Variants in LMNTD1 observed in about 807,000 individuals in gnomAD.
LMNTD1 encodes the protein lamin tail domain-containing protein 1.
A neutral mutation model predicts 50.9 loss-of-function variants in LMNTD1; 35 were observed. The ratio of observed to expected loss-of-function variants is 0.69; its 90% CI spans 0.53 to 0.91. The LOEUF (loss-of-function observed/expected upper bound fraction) is 0.91. Among genes scored for constraint, LMNTD1 ranks in the 40% least tolerant of loss-of-function variants. The probability of loss-of-function intolerance (pLI) is 0.00; values close to 1 mark genes in which losing one functional copy is unlikely to be tolerated. For synonymous variants in LMNTD1, 153 were observed against 161.9 expected (o/e 0.94, Z 0.42); for missense variants, 470 against 475.5 (o/e 0.99, Z 0.11).
At chr12:25,641,163 T>C (rs538981617) in intron 1 of LMNTD1, among the ~76,000 whole-genome samples, 4 of 152,322 alleles carry the variant, frequency 2.6e-5, no homozygotes, top group Non-Finnish European at 5.9e-5. Flanking sequence ...TGGATGACTA[T>C]AGAATAGATC....
intron 4 of LMNTD1, among the ~76,000 whole-genome samples, chr12:25,527,675 TATATATACAC>T (rs1210088022): frequency 3.2e-3 from 71 of 21,980 alleles, no homozygotes; most frequent in Admixed American, 9.0e-3. Context: ...TATATATATA[TATATATACAC>T]ACACACACAC....
intron 1 of LMNTD1, among the ~76,000 whole-genome samples, chr12:25,647,238 G>C (rs975645575): frequency 6.6e-6 from 1 of 152,186 alleles, no homozygotes; most frequent in East Asian, 1.9e-4. Context: ...GCTCATGCCT[G>C]TAATCCCACC....
intron 4 of LMNTD1, among the ~76,000 whole-genome samples, chr12:25,543,227 T>C (rs922765101): frequency 6.6e-6 from 1 of 152,026 alleles, no homozygotes; most frequent in Non-Finnish European, 1.5e-5. Flanking sequence ...CAATCTCTTC[T>C]AGAAAAGGAT....
intron 9 of LMNTD1, among the ~76,000 whole-genome samples, chr12:25,494,265 T>C (rs1025974109): frequency 6.6e-6 from 1 of 152,216 alleles, no homozygotes; most frequent in Non-Finnish European, 1.5e-5. Flanking sequence ...AGGTAAAATT[T>C]GGTCACTTCG....
chr12:25,540,003 C>T (rs1395041719), intron 4 of LMNTD1, among the ~76,000 whole-genome samples: 1,976 of 145,790 alleles, frequency 0.014, 32 homozygotes, highest in African/African-American at 0.048. Flanking sequence ...TTGACACATA[C>T]ACTCTCCCAA....
intron 1 of LMNTD1, among the ~76,000 whole-genome samples, chr12:25,611,643 G>A (rs1946246186): frequency 6.6e-6 from 1 of 152,156 alleles, no homozygotes; most frequent in South Asian, 2.1e-4. Context: ...AAATATGATT[G>A]AGAAGTAAAG....
intron 1 of LMNTD1, among the ~76,000 whole-genome samples, chr12:25,583,066 T>G (rs543708227): frequency 6.6e-6 from 1 of 151,012 alleles, no homozygotes; most frequent in Non-Finnish European, 1.5e-5. Flanking sequence ...CAGGCTGGAG[T>G]GCAGTGGTGC....
chr12:25,546,389 C>A lies in LMNTD1; in HGVS notation c.476G>T (p.Gly159Val). 6.3e-7 allele frequency: 1 copy of A among 1,580,460 alleles called. No individual in the cohort carries two copies. The highest frequency in any genetic ancestry group is 8.6e-7 in the Non-Finnish European group (1 of 1,161,850). ...KYFSMILEEV[G>V]QFTSSSLGDV... ...AAATATGTACCTGGAGGTAAATTGGCCAACTTCTTCAAGAATCATAGAAAA... is the reference window on the plus strand; with the variant it reads ...AAATATGTACCTGGAGGTAAATTGGACAACTTCTTCAAGAATCATAGAAAA... The change falls in exon 4 of 10, where the codon GGC becomes GTC. Residue 159 changes from glycine to valine, a missense_variant. Transcript: ENST00000458174.
Position 25,519,586 on chromosome 12 carries a change from T to TAAAAAAAA in LMNTD1, c.1016+271_1016+272insTTTTTTTT, listed in dbSNP as rs781742784. 1.4e-3 allele frequency among the ~76,000 whole-genome samples: 104 copies of TAAAAAAAA among 74,928 alleles called. 22 individuals are homozygous for TAAAAAAAA. In the East Asian group the frequency reaches 0.02, roughly 14 times the overall value. 49.2% of individuals were successfully genotyped at this position (74,928 alleles called of 152,430 possible). A position where few individuals can be genotyped will look rare whatever the true frequency, so the allele number is the denominator to read the frequency against. ...CTGGGTGACAGAGCGAGACTCTGTC[T>TAAAAAAAA]CAAAAAAAAAAAAAAAAAAAAAGTG... is the stretch of plus-strand genomic sequence containing the variant. On this transcript the variant is annotated intron_variant, in intron 7 of 9. Coordinates refer to ENST00000458174, the MANE Select transcript of LMNTD1 (RefSeq NM_001145728.2).
chr12:25,591,717 T>C (rs1443895520), intron 1 of LMNTD1, among the ~76,000 whole-genome samples: 3 of 151,900 alleles, frequency 2.0e-5, no homozygotes, highest in Non-Finnish European at 4.4e-5. Context: ...GACTCAGCTG[T>C]GTACTGGCTT....
At chr12:25,590,044 C>T (rs1356880747) in intron 1 of LMNTD1, among the ~76,000 whole-genome samples, 1 of 151,752 alleles carries the variant, frequency 6.6e-6, no homozygotes, top group Non-Finnish European at 1.5e-5. Flanking sequence ...ACCAGTTTAA[C>T]AACTATCTAC....
At chr12:25,549,176 TAGTTA>T in intron 3 of LMNTD1, 145 bp downstream of exon 3, 1 of 551,652 alleles carries the variant, frequency 1.8e-6, no homozygotes, top group Non-Finnish European at 3.2e-6. Flanking sequence ...GTGATGACCA[TAGTTA>T]AGTTACTTTT....
chr12:25,570,434 T>C (rs1944739562), intron 1 of LMNTD1, among the ~76,000 whole-genome samples: 1 of 152,210 alleles, frequency 6.6e-6, no homozygotes, highest in Non-Finnish European at 1.5e-5. Flanking sequence ...AAGCATTTGT[T>C]AACTAATTTC....
chr12:25,486,430 T>C (rs1380874911), intron 9 of LMNTD1, among the ~76,000 whole-genome samples: 1 of 150,438 alleles, frequency 6.6e-6, no homozygotes, highest in Non-Finnish European at 1.5e-5. Flanking sequence ...TTTCTAGATA[T>C]ACAATCATGT....
chr12:25,490,377 T>C (rs1938845591), intron 9 of LMNTD1, among the ~76,000 whole-genome samples: 1 of 152,230 alleles, frequency 6.6e-6, no homozygotes, highest in Non-Finnish European at 1.5e-5. Context: ...GCCTCATTTC[T>C]AAAACACTTG....
chr12:25,573,594 G>T (rs1322195298), intron 1 of LMNTD1, among the ~76,000 whole-genome samples: 1 of 152,102 alleles, frequency 6.6e-6, no homozygotes, highest in Non-Finnish European at 1.5e-5. Context: ...GTGTTCAGCT[G>T]GTCCTTTTGC....
intron 1 of LMNTD1, among the ~76,000 whole-genome samples, chr12:25,633,137 A>G (rs1184039976): frequency 6.6e-6 from 1 of 152,158 alleles, no homozygotes; most frequent in African/African-American, 2.4e-5. Flanking sequence ...ACGATCCTAA[A>G]CATATATCCA....
intron 8 of LMNTD1, among the ~76,000 whole-genome samples, chr12:25,513,373 A>C (rs989499741): frequency 6.6e-5 from 10 of 152,228 alleles, no homozygotes; most frequent in Non-Finnish European, 1.3e-4. Flanking sequence ...GTGGCCAGGC[A>C]CAGTGGCTCA....
chr12:25,619,246 C>CTATA (rs1401057071), intron 1 of LMNTD1, among the ~76,000 whole-genome samples: 25 of 76,196 alleles, frequency 3.3e-4, no homozygotes, highest in African/African-American at 8.8e-4. Flanking sequence ...CTCTCTCTCT[C>CTATA]TCTCTCTATA....
Sources: gnomAD v4.1 joint callset for allele counts (sites outside exome capture counted in the v4.1 genomes callset) on GRCh38, gnomAD v4.1.1 for gene constraint, MANE v1.5 for transcripts, NCBI Gene and HGNC (gene_info 2026-07-23, HGNC 2026-07-21) for gene names.